OTC: variants seen among roughly 807,000 people sequenced by gnomAD.
OTC encodes the protein ornithine transcarbamylase, mitochondrial.
A neutral mutation model predicts 30.3 loss-of-function variants in OTC; 3 were observed. The observed-to-expected ratio is 0.10, with a 90% CI of 0.05 to 0.26. The LOEUF is 0.26. Ranked by LOEUF, OTC falls within the 10% of genes least tolerant of loss-of-function variation. The pLI is 1.00. For missense variants in OTC, 194 were observed against 260.3 expected, an observed-to-expected ratio of 0.75 and a Z score of 1.75; for synonymous variants, 111 against 99.7, an observed-to-expected ratio of 1.11 and a Z score of -0.67.
At chrX:38,338,864 G>A in the OTC span, among the ~76,000 whole-genome samples, 1 of 111,718 alleles carries the variant, frequency 9.0e-6, no homozygotes, top group African/African-American at 3.3e-5. Flanking sequence ...GCTAGCCACG[G>A]GACACAGTCA....
chrX:38,329,264 G>A, the OTC span, among the ~76,000 whole-genome samples: 10 of 111,042 alleles, frequency 9.0e-5, no homozygotes, highest in East Asian at 2.5e-3. Flanking sequence ...AGGTAAATGG[G>A]GCAAGAAGAG....
chrX:38,403,855 G>T, intron 6 of OTC, 115 bp downstream of exon 6: 2 of 820,283 alleles, frequency 2.4e-6, no homozygotes. Flanking sequence ...TGAGGCCACA[G>T]AATTTAGGTT....
the OTC span, among the ~76,000 whole-genome samples, chrX:38,340,473 G>GTTTTTTTTTT: frequency 1.4e-4 from 8 of 56,124 alleles, no homozygotes; most frequent in Non-Finnish European, 2.3e-4. Flanking sequence ...TTTTTTTTTT[G>GTTTTTTTTTT]TTTTTTTTTT....
chrX:38,353,200 G>T (rs760934196), intron 1 of OTC, among the ~76,000 whole-genome samples: 5 of 112,165 alleles, frequency 4.5e-5, no homozygotes, highest in Non-Finnish European at 9.4e-5. Flanking sequence ...TGACAAAGCT[G>T]CTGCAAAGAC....
intron 4 of OTC, among the ~76,000 whole-genome samples, chrX:38,382,994 C>T (rs1016157543): frequency 6.3e-5 from 7 of 111,929 alleles, no homozygotes; most frequent in African/African-American, 2.3e-4. Context: ...TGGGTATAAA[C>T]GTGCTCTTTT....
intron 4 of OTC, chrX:38,395,510 C>A: frequency 7.8e-6 from 1 of 127,745 alleles, no homozygotes. Context: ...CTCAGGAAAG[C>A]AGAGGGGTTG....
the OTC span, among the ~76,000 whole-genome samples, chrX:38,329,380 T>C: frequency 1.8e-5 from 2 of 111,750 alleles, no homozygotes; most frequent in Non-Finnish European, 3.8e-5. Context: ...GAGGAATGAC[T>C]GGGTCTATAT....
chrX:38,336,077 AT>A, the OTC span, among the ~76,000 whole-genome samples: 6 of 111,457 alleles, frequency 5.4e-5, no homozygotes, highest in African/African-American at 2.0e-4. Flanking sequence ...GGATTTATTT[AT>A]AAAAGAACTA....
chrX:38,381,389 A>G lies in OTC; in HGVS notation c.346A>G (p.Ile116Val), dbSNP rs2068375708. The G allele has an allele frequency of 3.3e-6, 4 of 1,203,283 alleles. No individual in the cohort carries two copies. Among genetic ancestry groups the G allele is most frequent in the Non-Finnish European group, 4.5e-6 (4 of 888,048 alleles). Residue 116 changes from isoleucine (I) to valine (V), a missense_variant, in exon 4 of 10, where the codon ATT becomes GTT. Ile to Val is a conservative substitution (Grantham distance 29). Transcript: ENST00000039007. Reference protein sequence around the residue: ...GHPCFLTTQDIHLGVNESLTD... With the variant: ...GHPCFLTTQDVHLGVNESLTD... The stretch of plus-strand genomic sequence containing the variant: ...TCCTTGTTTTCTTACCACACAAGAT[A>G]TTCATTTGGGTGTGAATGAAAGTCT...
intron 9 of OTC, among the ~76,000 whole-genome samples, chrX:38,418,877 TC>T (rs2068581926): frequency 8.9e-6 from 1 of 111,981 alleles, no homozygotes; most frequent in African/African-American, 3.2e-5. Context: ...TTTATAAATT[TC>T]CCAGTCTCGG....
intron 4 of OTC, among the ~76,000 whole-genome samples, chrX:38,389,741 C>A (rs2068421626): frequency 8.9e-6 from 1 of 111,754 alleles, no homozygotes; most frequent in African/African-American, 3.3e-5. Flanking sequence ...AGCAGAGTCA[C>A]AGTTTGGTTC....
At chrX:38,382,703 A>G (rs779077162) in intron 4 of OTC, among the ~76,000 whole-genome samples, 1 of 112,443 alleles carries the variant, frequency 8.9e-6, no homozygotes, top group Non-Finnish European at 1.9e-5. Context: ...TTTATTCAAA[A>G]GCAAATATTA....
At chrX:38,334,561 C>T in the OTC span, among the ~76,000 whole-genome samples, 4 of 111,848 alleles carry the variant, frequency 3.6e-5, no homozygotes, top group East Asian at 8.4e-4. Context: ...GAAAAAAAGC[C>T]AGAGATCAAG....
chrX:38,395,089 C>T (rs766194975), intron 4 of OTC, among the ~76,000 whole-genome samples: 228 of 111,076 alleles, frequency 2.1e-3, no homozygotes, highest in Non-Finnish European at 3.4e-3. Flanking sequence ...TCTCCTGCCT[C>T]GGCCTCCTGA....
At chrX:38,403,594 T>A in intron 5 of OTC, 24 bp from the exon 6 acceptor site, 2 of 1,207,238 alleles carry the variant, frequency 1.7e-6, no homozygotes, top group South Asian at 3.5e-5. Context: ...CTGGATTTCA[T>A]CTCCTTCATC....
chrX:38,344,842 A>G, the OTC span, among the ~76,000 whole-genome samples: 2 of 111,107 alleles, frequency 1.8e-5, no homozygotes, highest in African/African-American at 6.6e-5. Context: ...TTGTATCCAG[A>G]ATATATATGT....
At chrX:38,343,447 T>A in the OTC span, among the ~76,000 whole-genome samples, 1 of 112,313 alleles carries the variant, frequency 8.9e-6, no homozygotes, top group Admixed American at 9.4e-5. Flanking sequence ...GTGTGGGAAC[T>A]TGAAGAGATA....
rs974497183 is a variant in OTC, at chrX:38,411,879, C to A, written c.885C>A (p.Ala295=). ...CTCTTTAGACTGCTAAAGTTGCTGC[C>A]TCTGACTGGACATTTTTACACTGCT... The part of the protein sequence containing the change: ...QVTMKTAKVA[A]SDWTFLHCLP... The change falls in exon 9 of 10, where the codon GCC becomes GCA. Residue 295 remains alanine (A), a synonymous_variant. Coordinates refer to ENST00000039007, the MANE Select transcript of OTC (RefSeq NM_000531.6). 5 of 1,211,014 alleles carry A rather than the reference C, an allele frequency of 4.1e-6. 1 individual carries two copies. The highest frequency in any genetic ancestry group is 5.6e-6 in the Non-Finnish European group (5 of 894,994).
At chrX:38,410,591 C>T (rs1293554234) in intron 8 of OTC, among the ~76,000 whole-genome samples, 1 of 111,410 alleles carries the variant, frequency 9.0e-6, no homozygotes, top group East Asian at 2.8e-4. Flanking sequence ...ATTTTTTGCC[C>T]ATTTTCTATT....
Sources: gnomAD v4.1 joint callset for allele counts (sites outside exome capture counted in the v4.1 genomes callset) on GRCh38, gnomAD v4.1.1 for gene constraint, MANE v1.5 for transcripts, NCBI Gene and HGNC (gene_info 2026-07-23, HGNC 2026-07-21) for gene names.